Variants in PHTF2 observed in about 807,000 individuals in gnomAD.
The protein encoded by PHTF2 is protein PHTF2.
PHTF2 carries 60 observed loss-of-function variants against 101.2 expected under a neutral mutation model. That is an observed-to-expected ratio of 0.59 (90% confidence interval 0.48 to 0.73). PHTF2 has a LOEUF of 0.73. Ranked by LOEUF, PHTF2 falls within the 30% of genes least tolerant of loss-of-function variation. The probability of loss-of-function intolerance (pLI) is 0.00; values close to 1 mark genes in which losing one functional copy is unlikely to be tolerated. For missense variants in PHTF2, 747 were observed against 908.7 expected (o/e 0.82, Z 2.29); for synonymous variants, 311 against 307.3 (o/e 1.01, Z -0.13).
At chr7:77,839,108 A>G (rs1463372854) in intron 1 of PHTF2, among the ~76,000 whole-genome samples, 1 of 152,170 alleles carries the variant, frequency 6.6e-6, no homozygotes, top group African/African-American at 2.4e-5. Context: ...TAGCGTTTCT[A>G]CAGTTGCAGA....
intron 7 of PHTF2, among the ~76,000 whole-genome samples, chr7:77,904,673 A>G (rs1306990762): frequency 1.3e-5 from 2 of 152,174 alleles, no homozygotes; most frequent in African/African-American, 4.8e-5. Context: ...CTGCCTCTTC[A>G]TATAAAGACA....
chr7:77,810,242 G>A (rs1042643011), intron 1 of PHTF2, among the ~76,000 whole-genome samples: 1 of 151,312 alleles, frequency 6.6e-6, no homozygotes, highest in East Asian at 1.9e-4. Context: ...CTCCTTTACC[G>A]CTACTGAGTT....
At chr7:77,863,811 G>T in intron 3 of PHTF2, among the ~76,000 whole-genome samples, 1 of 140,078 alleles carries the variant, frequency 7.1e-6, no homozygotes. Flanking sequence ...TTGGAAGATA[G>T]GTTCTTACTC....
intron 16 of PHTF2, among the ~76,000 whole-genome samples, chr7:77,948,328 A>G (rs1032840939): frequency 6.6e-6 from 1 of 152,160 alleles, no homozygotes; most frequent in East Asian, 1.9e-4. Context: ...TTATATATCA[A>G]TGTGGGAAGG....
intron 16 of PHTF2, among the ~76,000 whole-genome samples, chr7:77,945,186 A>G (rs892020139): frequency 7.2e-5 from 11 of 152,130 alleles, no homozygotes; most frequent in Non-Finnish European, 2.9e-5. Context: ...TGAAAATACA[A>G]AATTAACTGG....
At chr7:77,897,103 T>C (rs1431141849) in intron 5 of PHTF2, among the ~76,000 whole-genome samples, 2 of 152,056 alleles carry the variant, frequency 1.3e-5, no homozygotes, top group Non-Finnish European at 2.9e-5. Flanking sequence ...CCTAGACTTT[T>C]AAAGCTTCTT....
At chr7:77,940,856 A>T (rs1001286206) in intron 15 of PHTF2, among the ~76,000 whole-genome samples, 197 bp downstream of exon 14, 15 of 152,136 alleles carry the variant, frequency 9.9e-5, no homozygotes, top group Non-Finnish European at 1.8e-4. Context: ...AAAAGAATTT[A>T]AAAAAAATAA....
At chr7:77,954,626 A>ATG (rs1806848867) in intron 19 of PHTF2, among the ~76,000 whole-genome samples, 1 of 141,418 alleles carries the variant, frequency 7.1e-6, no homozygotes, top group East Asian at 2.0e-4. Context: ...ATATATATAT[A>ATG]TATATATATA....
At chr7:77,804,326 T>A (rs776879879) in intron 1 of PHTF2, among the ~76,000 whole-genome samples, 3 of 145,508 alleles carry the variant, frequency 2.1e-5, no homozygotes, top group Non-Finnish European at 3.1e-5. Context: ...AGGGGTTTTT[T>A]GTTTGTTTGT....
chr7:77,885,873 T>C (rs73375848), intron 3 of PHTF2, among the ~76,000 whole-genome samples: 12,817 of 152,252 alleles, frequency 0.084, 698 homozygotes, highest in South Asian at 0.19. Context: ...TGTGTTTTCT[T>C]TTTTGTATGG....
intron 1 of PHTF2, among the ~76,000 whole-genome samples, chr7:77,803,234 T>A (rs1792700065): frequency 6.6e-6 from 1 of 152,128 alleles, no homozygotes; most frequent in Admixed American, 6.5e-5. Context: ...AAATTTGACA[T>A]TTAATGAGAG....
In PHTF2 at chr7:77,872,500, C is replaced by T. The variant is rs374454536; in HGVS notation, c.147+17666C>T. ...ACATGAGTCAGACTATTCTGATTGCCGCTTTGCCTCTGCTGTCCATTATGG... is the reference window on the plus strand; with the variant it reads ...ACATGAGTCAGACTATTCTGATTGCTGCTTTGCCTCTGCTGTCCATTATGG... On this transcript the variant is annotated intron_variant, in intron 3 of 19. Transcript: ENST00000416283. 3.9e-5 allele frequency among the ~76,000 whole-genome samples: 6 copies of T among 152,304 alleles called. No homozygotes were observed. The East Asian group carries it at 7.7e-4, about 20-fold the overall frequency.
At chr7:77,852,698 G>A (rs1030488227) in intron 2 of PHTF2, among the ~76,000 whole-genome samples, 2 of 152,122 alleles carry the variant, frequency 1.3e-5, no homozygotes, top group Non-Finnish European at 2.9e-5. Flanking sequence ...TGTACCTTCA[G>A]ATGTTTCTTA....
At chr7:77,882,147 T>C (rs1799473203) in intron 3 of PHTF2, among the ~76,000 whole-genome samples, 1 of 152,222 alleles carries the variant, frequency 6.6e-6, no homozygotes, top group Non-Finnish European at 1.5e-5. Context: ...TTTTAGATGA[T>C]GTTGGGAATA....
intron 3 of PHTF2, among the ~76,000 whole-genome samples, chr7:77,879,724 T>C (rs1799250832): frequency 6.6e-6 from 1 of 152,214 alleles, no homozygotes; most frequent in Non-Finnish European, 1.5e-5. Flanking sequence ...AAATTTCTTA[T>C]GGTTTTGTTG....
intron 11 of PHTF2, 89 bp from the exon 11 acceptor site, chr7:77,929,020 A>G (rs1313159795): frequency 1.1e-6 from 1 of 892,432 alleles, no homozygotes; most frequent in Non-Finnish European, 1.7e-6. Context: ...GTTTTAGCAA[A>G]AAGTATCAAT....
intron 1 of PHTF2, among the ~76,000 whole-genome samples, chr7:77,806,921 C>G (rs1793039499): frequency 6.6e-6 from 1 of 152,140 alleles, no homozygotes; most frequent in Non-Finnish European, 1.5e-5. Flanking sequence ...TTTCCCCTTT[C>G]TGAAACTTTG....
chr7:77,877,946 G>A (rs1228403644), intron 3 of PHTF2, among the ~76,000 whole-genome samples: 6 of 152,166 alleles, frequency 3.9e-5, no homozygotes, highest in Non-Finnish European at 8.8e-5. Context: ...CACTGTTGGG[G>A]GAAGGGGATG....
chr7:77,824,830 C>G (rs1794582130), intron 1 of PHTF2, among the ~76,000 whole-genome samples: 1 of 150,342 alleles, frequency 6.7e-6, no homozygotes, highest in Admixed American at 6.6e-5. Flanking sequence ...ACCAGGAGTT[C>G]AAGGCCAGCC....
Sources: allele counts gnomAD v4.1 joint callset (sites outside exome capture counted in the v4.1 genomes callset), GRCh38; gene constraint gnomAD v4.1.1; transcripts MANE v1.5; gene names NCBI Gene and HGNC (gene_info 2026-07-23, HGNC 2026-07-21).